BRWD1: variants seen among roughly 807,000 people sequenced by gnomAD.
BRWD1 encodes the protein bromodomain and WD repeat domain containing 1, also known as bromodomain and WD repeat-containing protein 1.
A neutral mutation model predicts 251.2 loss-of-function variants in BRWD1; 82 were observed. The ratio of observed to expected loss-of-function variants is 0.33; its 90% CI spans 0.27 to 0.39. The LOEUF (loss-of-function observed/expected upper bound fraction) is 0.39, where lower values mean the gene tolerates loss of function less well. Among genes scored for constraint, BRWD1 ranks in the 10% least tolerant of loss-of-function variants. The probability of loss-of-function intolerance (pLI) is 1.00; values close to 1 mark genes in which losing one functional copy is unlikely to be tolerated. For synonymous variants in BRWD1, 918 were observed against 902.8 expected (o/e 1.02, Z -0.30); for missense variants, 2,233 against 2,711.6 (o/e 0.82, Z 3.92).
At chr21:39,321,024 A>G (rs2036741177) in intron 1 of BRWD1, 1 of 152,254 alleles carries the variant, frequency 6.6e-6, no homozygotes, top group Admixed American at 6.5e-5. Flanking sequence ...CAATTAGCTT[A>G]CCTTCAAAAT....
At position 39,209,748 on chromosome 21, in the gene BRWD1, A is replaced by G. The variant is rs144707683; in HGVS notation, c.4197+247T>C. ...TTTCTATTGATGCCTACTCCCATTA[A>G]TCCCCACTTGCTTATAAAATTTGAG... On this transcript the variant is annotated intron_variant, in intron 36 of 40. Transcript: ENST00000342449. 4.7e-5 allele frequency: 15 copies of G among 322,224 alleles called. No individual in the cohort carries two copies. The East Asian group carries it at 7.7e-4, about 17-fold the overall frequency. 20.0% of individuals were successfully genotyped at this position (322,224 alleles called of 1,614,324 possible). A position where few individuals can be genotyped will look rare whatever the true frequency, so the allele number is the denominator to read the frequency against.
chr21:39,240,720 A>G lies in BRWD1; in HGVS notation c.2482-2147T>C, dbSNP rs548380434. The stretch of plus-strand genomic sequence containing the variant: ...AGGATCATATGGAGTGATCTCAAAG[A>G]TATTTTAAGTGAAAAATGTCAAGTG... On this transcript the variant is annotated intron_variant, in intron 21 of 40. Transcript: ENST00000342449. 1.4e-3 allele frequency among the ~76,000 whole-genome samples: 219 copies of G among 152,348 alleles called. 2 individuals are homozygous for G. Among genetic ancestry groups the G allele is most frequent in the African/African-American group, 5.1e-3 (211 of 41,578 alleles).
At chr21:39,256,014 T>C (rs1305403762) in intron 18 of BRWD1, among the ~76,000 whole-genome samples, 186 bp from the exon 19 acceptor site, 1 of 152,232 alleles carries the variant, frequency 6.6e-6, no homozygotes, top group Non-Finnish European at 1.5e-5. Flanking sequence ...GACAAGGTCT[T>C]GCTATGTTGC....
chr21:39,248,250 A>G (rs1175593623), intron 20 of BRWD1, among the ~76,000 whole-genome samples: 1 of 152,142 alleles, frequency 6.6e-6, no homozygotes, highest in African/African-American at 2.4e-5. Context: ...TCAACATACT[A>G]ATCATTAGAG....
At chr21:39,185,301 A>AAAAAAAAAAAAAC (rs2031160245), downstream of BRWD1, 1 of 127,840 alleles carries the variant, frequency 7.8e-6, no homozygotes, top group Admixed American at 7.4e-5. Context: ...TTGCTAAAAA[A>AAAAAAAAAAAAAC]AAAAAAAAAA....
intron 9 of BRWD1, 98 bp downstream of exon 9, chr21:39,280,050 C>T (rs370212701): frequency 9.4e-6 from 8 of 852,518 alleles, no homozygotes; most frequent in Non-Finnish European, 1.1e-5. Flanking sequence ...AAAAAAGCAA[C>T]AATACACAAT....
chr21:39,247,128 A>G (rs1415965129), intron 21 of BRWD1, among the ~76,000 whole-genome samples: 1 of 151,876 alleles, frequency 6.6e-6, no homozygotes, highest in Non-Finnish European at 1.5e-5. Context: ...AGGCAAATGC[A>G]GAAAAAGAAA....
intron 8 of BRWD1, among the ~76,000 whole-genome samples, chr21:39,281,944 A>G (rs941532006): frequency 1.4e-4 from 21 of 151,536 alleles, no homozygotes; most frequent in African/African-American, 4.8e-4. Context: ...ATACATGTGT[A>G]TATATGTAGA....
At chr21:39,317,393 A>AACCAACATCTT (rs2036709807), upstream of BRWD1, among the ~76,000 whole-genome samples, 2 of 152,354 alleles carry the variant, frequency 1.3e-5, no homozygotes, top group African/African-American at 2.4e-5. Context: ...TTTTCAAGGG[A>AACCAACATCTT]ACCAACATCT....
chr21:39,216,736 A>ACTTT (rs2032907915), intron 31 of BRWD1: 1 of 414,840 alleles, frequency 2.4e-6, no homozygotes, highest in East Asian at 7.0e-5. Flanking sequence ...TTCACAACAA[A>ACTTT]AGTAAAGCCT....
chr21:39,203,470 A>T (rs2032225223), intron 37 of BRWD1, among the ~76,000 whole-genome samples: 1 of 73,010 alleles, frequency 1.4e-5, no homozygotes, highest in South Asian at 4.0e-4. Context: ...TTTGAGACAG[A>T]GTCTCTGCTC....
intron 36 of BRWD1, among the ~76,000 whole-genome samples, chr21:39,209,411 G>T (rs2032556281): frequency 6.7e-6 from 1 of 150,224 alleles, no homozygotes; most frequent in African/African-American, 2.5e-5. Context: ...AAAACCCAGT[G>T]TCACCACTTC....
intron 29 of BRWD1, among the ~76,000 whole-genome samples, chr21:39,221,920 G>GA (rs1164184939): frequency 3.3e-5 from 5 of 150,544 alleles, no homozygotes; most frequent in African/African-American, 4.9e-5. Flanking sequence ...AAGAAAGAAA[G>GA]AAAAAAGAAA....
chr21:39,205,529 T>C (rs1295138950), intron 37 of BRWD1, among the ~76,000 whole-genome samples: 8 of 152,012 alleles, frequency 5.3e-5, no homozygotes, highest in Non-Finnish European at 8.8e-5. Context: ...CCTAGCACTT[T>C]AGGAGGCTGA....
At chr21:39,274,502 T>C in intron 12 of BRWD1, 30 bp from the exon 13 acceptor site, 1 of 1,521,732 alleles carries the variant, frequency 6.6e-7, no homozygotes. Flanking sequence ...GATCTTACTA[T>C]ATTCACACAC....
intron 17 of BRWD1, among the ~76,000 whole-genome samples, chr21:39,260,623 T>C (rs772411848): frequency 1.3e-5 from 2 of 152,170 alleles, no homozygotes; most frequent in Non-Finnish European, 2.9e-5. Flanking sequence ...AAAAAATATA[T>C]GTAAAACAAA....
At chr21:39,257,048 C>T (rs2034582711) in intron 18 of BRWD1, among the ~76,000 whole-genome samples, 1 of 151,672 alleles carries the variant, frequency 6.6e-6, no homozygotes, top group South Asian at 2.1e-4. Flanking sequence ...ATTTAACTGC[C>T]CAAGTCATAG....
In BRWD1 at chr21:39,225,196, A is replaced by C; in HGVS notation, c.3210T>G (p.Cys1070Trp). The C allele has an allele frequency of 6.2e-7, 1 of 1,604,106 alleles. No homozygotes were observed. Among genetic ancestry groups the C allele is most frequent in the Non-Finnish European group, 8.5e-7 (1 of 1,171,400 alleles). Residue 1070 changes from cysteine (C) to tryptophan (W), a missense_variant and splice_region_variant, in exon 28 of 41, where the codon TGT (cysteine) becomes TGG (tryptophan). Cys to Trp is a radical substitution (Grantham distance 215, BLOSUM62 -2). Transcript: ENST00000342449. ...CATCAATAATAGAGCGGAATCTGTC[A>C]CCTAGGAGAGAAATGATCAAGTCTG... is the stretch of plus-strand genomic sequence containing the variant. ...DEARQRNWQS[C>W]DRFRSIIDDA... is the part of the protein sequence containing the mutation.
intron 28 of BRWD1, among the ~76,000 whole-genome samples, chr21:39,224,836 C>T (rs533952771): frequency 8.4e-4 from 127 of 151,956 alleles, no homozygotes; most frequent in African/African-American, 2.9e-3. Flanking sequence ...ACTGACAATA[C>T]GAGGTAAAGG....
Sources: allele counts gnomAD v4.1 joint callset (sites outside exome capture counted in the v4.1 genomes callset), GRCh38; gene constraint gnomAD v4.1.1; transcripts MANE v1.5; gene names NCBI Gene and HGNC (gene_info 2026-07-23, HGNC 2026-07-21).